The following AGFG1 variants were observed in gnomAD, a reference collection of about 807,000 sequenced individuals.
The protein encoded by AGFG1 is ArfGAP with FG repeats 1, also known as arf-GAP domain and FG repeat-containing protein 1.
In AGFG1, 10 loss-of-function variants were observed where a neutral mutation model predicts 60.6. The ratio of observed to expected loss-of-function variants is 0.16; its 90% CI spans 0.10 to 0.28. The LOEUF (loss-of-function observed/expected upper bound fraction) is 0.28. Ranked by LOEUF, AGFG1 falls within the 10% of genes least tolerant of loss-of-function variation. The probability of loss-of-function intolerance (pLI) is 1.00; values close to 1 mark genes in which losing one functional copy is unlikely to be tolerated. For missense variants in AGFG1, 537 were observed against 676.5 expected (o/e 0.79, Z 2.29); for synonymous variants, 247 against 242.9 (o/e 1.02, Z -0.16).
intron 10 of AGFG1, among the ~76,000 whole-genome samples, chr2:227,545,393 A>G (rs575207445): frequency 1.3e-5 from 2 of 152,242 alleles, no homozygotes; most frequent in Admixed American, 1.3e-4. Context: ...CTTCCTTGCG[A>G]TAGGTTTGAA....
chr2:227,510,858 C>G (rs1184280109), intron 2 of AGFG1: 1 of 152,324 alleles, frequency 6.6e-6, no homozygotes, highest in South Asian at 2.1e-4. Flanking sequence ...AACGCAGATA[C>G]TTGCAAGTAA....
intron 10 of AGFG1, chr2:227,549,949 C>A: frequency 5.4e-6 from 2 of 372,136 alleles, no homozygotes; most frequent in Non-Finnish European, 1.1e-5. Context: ...ACCCCCTTAG[C>A]AACAGTACAC....
At chr2:227,474,978 G>A (rs183317109) in intron 1 of AGFG1, among the ~76,000 whole-genome samples, 1 of 152,238 alleles carries the variant, frequency 6.6e-6, no homozygotes, top group Non-Finnish European at 1.5e-5. Context: ...AACATCTCAC[G>A]TAATGCCTGG....
rs1553539433 is a variant in AGFG1 at position 227,484,677 on chromosome 2, GTTTTTTTTTTGTTTTTTTTTTTT to G, written c.168-6859_168-6837del. Among the ~76,000 whole-genome samples the G allele has an allele frequency of 9.5e-5, 11 of 115,904 alleles. 2 individuals are homozygous for G. Among genetic ancestry groups the G allele is most frequent in the East Asian group, 5.0e-4 (2 of 3,978 alleles). 76.0% of individuals were successfully genotyped at this position (115,904 alleles called of 152,430 possible). ...AAGCTTCTTTAATGAAGATCTCTTA[GTTTTTTTTTTGTTTTTTTTTTTT>G]TTTTTTTTTTTTTTTTTTTTTGAGA... On this transcript the variant is annotated intron_variant, in intron 1 of 12. Coordinates refer to ENST00000310078, the MANE Select transcript of AGFG1 (RefSeq NM_004504.5).
chr2:227,519,370 A>G (rs1691761402), intron 2 of AGFG1, among the ~76,000 whole-genome samples: 1 of 151,944 alleles, frequency 6.6e-6, no homozygotes, highest in Admixed American at 6.6e-5. Flanking sequence ...TTTTCTCTTT[A>G]TAGTTCTTTT....
Position 227,520,055 on chromosome 2 carries a change from GA to G in AGFG1, c.373del (p.Arg125AspfsTer36). On this transcript the variant is annotated frameshift_variant, in exon 3 of 13. Coordinates refer to ENST00000310078, the MANE Select transcript of AGFG1 (RefSeq NM_004504.5). LOFTEE classifies it high-confidence loss of function. The part of the protein sequence containing the change: ...KEFLQEKYEK[K>X]RWYVPPEQAK... ...AGTTTCTACAAGAAAAGTATGAAAA[GA>G]AAAGATGGTGAGTGAAGAGTTTGTA... 6.4e-7 allele frequency: 1 copy of G among 1,568,774 alleles called. No individual in the cohort carries two copies. Among genetic ancestry groups the G allele is most frequent in the South Asian group, 1.2e-5 (1 of 84,620 alleles).
At chr2:227,538,808 A>G (rs1692390382) in intron 10 of AGFG1, among the ~76,000 whole-genome samples, 1 of 152,214 alleles carries the variant, frequency 6.6e-6, no homozygotes, top group Non-Finnish European at 1.5e-5. Flanking sequence ...AGTTCTACAT[A>G]GGATATAAAA....
intron 11 of AGFG1, 149 bp downstream of exon 11, chr2:227,552,266 T>A: frequency 9.6e-7 from 1 of 1,045,288 alleles, no homozygotes; most frequent in Non-Finnish European, 1.3e-6. Flanking sequence ...CTTTGGTGAT[T>A]TGGACCTCAG....
At chr2:227,481,099 C>CTTTTTTTTTTTT (rs36152184) in intron 1 of AGFG1, among the ~76,000 whole-genome samples, 56 of 75,754 alleles carry the variant, frequency 7.4e-4, no homozygotes, top group African/African-American at 1.3e-3. Context: ...GTGTTTTAGG[C>CTTTTTTTTTTTT]TTTTTTTTTT....
chr2:227,525,297 C>T (rs1559187322), intron 5 of AGFG1, among the ~76,000 whole-genome samples: 1 of 152,142 alleles, frequency 6.6e-6, no homozygotes, highest in African/African-American at 2.4e-5. Flanking sequence ...AAATTTTAGA[C>T]ATAGTATTAG....
At chr2:227,528,261 C>CT (rs752255747) in intron 5 of AGFG1, among the ~76,000 whole-genome samples, 2 of 151,842 alleles carry the variant, frequency 1.3e-5, no homozygotes, top group African/African-American at 2.4e-5. Flanking sequence ...AAAAGGAGTC[C>CT]TAGGATGACA....
chr2:227,491,648 GTTTTT>G lies in AGFG1; in HGVS notation c.261+19_261+23del, dbSNP rs11289047. 7 of 1,164,216 alleles carry G rather than the reference GTTTTT, an allele frequency of 6.0e-6. No homozygotes were observed. Among genetic ancestry groups the G allele is most frequent in the South Asian group, 1.9e-5 (1 of 51,618 alleles). The allele number at this position is 1,164,216 out of a possible 1,614,324, so 72.1% of individuals were successfully genotyped here. A position where few individuals can be genotyped will look rare whatever the true frequency, so the allele number is the denominator to read the frequency against. Reference sequence around the variant, plus strand: ...CAAAAACATGGAAATGAAGTAAGTGGTTTTTTTTTTTTTTTGCAATTTTTGACTTT... The same window carrying G: ...CAAAAACATGGAAATGAAGTAAGTGGTTTTTTTTTTGCAATTTTTGACTTT... On this transcript the variant is annotated intron_variant, in intron 2 of 12. Transcript: ENST00000310078.
chr2:227,514,383 T>C (rs1026704644), intron 2 of AGFG1, among the ~76,000 whole-genome samples: 3 of 152,042 alleles, frequency 2.0e-5, no homozygotes, highest in African/African-American at 7.2e-5. Context: ...GGCTTATTTT[T>C]TTGTGTGTGT....
At chr2:227,534,375 G>A (rs1471074753) in intron 7 of AGFG1, among the ~76,000 whole-genome samples, 1 of 152,072 alleles carries the variant, frequency 6.6e-6, no homozygotes, top group Non-Finnish European at 1.5e-5. Context: ...TGCATGTTAA[G>A]GCATATAGAA....
rs559411857 is a variant in AGFG1, at chr2:227,492,661, AT to A, written c.261+1022del. Among the ~76,000 whole-genome samples the A allele has an allele frequency of 6.6e-4, 100 of 152,214 alleles. 1 individual carries two copies. Among genetic ancestry groups the A allele is most frequent in the African/African-American group, 2.2e-3 (92 of 41,550 alleles). On this transcript the variant is annotated intron_variant, in intron 2 of 12. Transcript: ENST00000310078. ...AGTGAGGAAATATAAATTCACAGCT[AT>A]GAAATATTTTTAAATATTTCATATT...
chr2:227,504,783 A>G (rs1691262377), intron 2 of AGFG1, among the ~76,000 whole-genome samples: 1 of 152,214 alleles, frequency 6.6e-6, no homozygotes, highest in Admixed American at 6.5e-5. Context: ...ATTCTGTATC[A>G]TCAGTGAACA....
chr2:227,484,236 T>G (rs1690552032), intron 1 of AGFG1, among the ~76,000 whole-genome samples: 1 of 152,214 alleles, frequency 6.6e-6, no homozygotes, highest in Non-Finnish European at 1.5e-5. Context: ...TGGCCCAGGC[T>G]GGAGTGCAGT....
intron 1 of AGFG1, among the ~76,000 whole-genome samples, chr2:227,489,223 G>GTTTTTT (rs55762248): frequency 3.2e-4 from 24 of 74,814 alleles, no homozygotes; most frequent in Admixed American, 6.2e-4. Flanking sequence ...AGTTTTGAGA[G>GTTTTTT]TTTTTTTTTT....
intron 2 of AGFG1, among the ~76,000 whole-genome samples, chr2:227,501,269 T>C (rs1258736183): frequency 2.0e-5 from 3 of 152,024 alleles, no homozygotes; most frequent in Non-Finnish European, 2.9e-5. Context: ...TTAGTAGAGA[T>C]GGGGTTTTGC....
Sources: allele counts gnomAD v4.1 joint callset (sites outside exome capture counted in the v4.1 genomes callset), GRCh38; gene constraint gnomAD v4.1.1; transcripts MANE v1.5; gene names NCBI Gene and HGNC (gene_info 2026-07-23, HGNC 2026-07-21).